The following MAPKAP1 variants were observed in gnomAD, a reference collection of about 807,000 sequenced individuals.
MAPKAP1 encodes the protein target of rapamycin complex 2 subunit MAPKAP1.
A neutral mutation model predicts 65.7 loss-of-function variants in MAPKAP1; 20 were observed. That is an observed-to-expected ratio of 0.30 (90% confidence interval 0.21 to 0.44). The LOEUF is 0.44. MAPKAP1 is among the 20% of genes least tolerant of loss of function. The pLI is 1.00. For synonymous variants in MAPKAP1, 222 were observed against 244.3 expected (o/e 0.91, Z 0.85); for missense variants, 423 against 648.0 (o/e 0.65, Z 3.77).
intron 4 of MAPKAP1, among the ~76,000 whole-genome samples, chr9:125,648,609 G>A (rs1178035668): frequency 6.6e-6 from 1 of 152,080 alleles, no homozygotes; most frequent in Admixed American, 6.5e-5. Context: ...TAGTAGTCCT[G>A]GAAATCAAGT....
At chr9:125,622,956 G>A (rs1185662548) in intron 4 of MAPKAP1, among the ~76,000 whole-genome samples, 1 of 152,132 alleles carries the variant, frequency 6.6e-6, no homozygotes, top group Non-Finnish European at 1.5e-5. Flanking sequence ...GCAGGCACGC[G>A]CCGCCACACC....
At position 125,475,647 on chromosome 9, in the gene MAPKAP1, G is replaced by A. The variant is rs115595900; in HGVS notation, c.1208-7538C>T. ...CACCAGGGCAGAGCTTATGAAATCA[G>A]ACCTGGGACTGTTTAATCCCAGAAA... On this transcript the variant is annotated intron_variant, in intron 9 of 11. Transcript: ENST00000265960. Among the ~76,000 whole-genome samples, 570 of 152,306 alleles carry A rather than the reference G, an allele frequency of 3.7e-3. 5 individuals are homozygous for A. The highest frequency in any genetic ancestry group is 0.013 in the African/African-American group (548 of 41,566).
chr9:125,593,977 T>G (rs778191828), intron 4 of MAPKAP1, among the ~76,000 whole-genome samples: 1 of 152,188 alleles, frequency 6.6e-6, no homozygotes, highest in African/African-American at 2.4e-5. Flanking sequence ...CTATCTCAAC[T>G]AAGGCTTTCA....
In MAPKAP1 at chr9:125,598,572, C is replaced by T. The variant is rs186657500; in HGVS notation, c.499-12845G>A. ...ACTAATAGAAACTAGGGAGGCAGTA[C>T]AGTGTGATTAAGAGCACAAGTCGGG... On this transcript the variant is annotated intron_variant, in intron 4 of 11. Transcript: ENST00000265960. 3.3e-5 allele frequency among the ~76,000 whole-genome samples: 5 copies of T among 152,232 alleles called. No individual in the cohort carries two copies. The East Asian group carries it at 9.6e-4, about 29-fold the overall frequency.
chr9:125,472,152 C>T (rs1372053652), intron 9 of MAPKAP1, among the ~76,000 whole-genome samples: 1 of 152,204 alleles, frequency 6.6e-6, no homozygotes, highest in Non-Finnish European at 1.5e-5. Flanking sequence ...AGCCACTACA[C>T]TATTCTGCAA....
intron 4 of MAPKAP1, among the ~76,000 whole-genome samples, chr9:125,632,523 C>T (rs1833316618): frequency 6.6e-6 from 1 of 152,110 alleles, no homozygotes; most frequent in Non-Finnish European, 1.5e-5. Context: ...CTTGGTTAAA[C>T]CTCATCTTCC....
chr9:125,449,544 G>A (rs550504928), intron 10 of MAPKAP1, among the ~76,000 whole-genome samples: 19 of 152,194 alleles, frequency 1.2e-4, no homozygotes, highest in Admixed American at 2.0e-4. Flanking sequence ...ACCTCCACTC[G>A]TGAGTACTGA....
chr9:125,503,701 G>C (rs531846850), intron 8 of MAPKAP1, among the ~76,000 whole-genome samples: 189 of 151,560 alleles, frequency 1.2e-3, no homozygotes, highest in African/African-American at 4.4e-3. Flanking sequence ...TTCTCTTTAA[G>C]ATAATTTCTT....
At chr9:125,637,500 C>G (rs769347636) in intron 4 of MAPKAP1, among the ~76,000 whole-genome samples, 23 of 152,078 alleles carry the variant, frequency 1.5e-4, no homozygotes, top group Non-Finnish European at 2.8e-4. Flanking sequence ...GGTGAGGCCA[C>G]GCTGGGACTC....
At chr9:125,485,845 A>G (rs866692519) in intron 8 of MAPKAP1, among the ~76,000 whole-genome samples, 11 of 152,160 alleles carry the variant, frequency 7.2e-5, no homozygotes, top group Admixed American at 2.0e-4. Context: ...TGGGCAAGTG[A>G]CTTTATCTCT....
intron 6 of MAPKAP1, among the ~76,000 whole-genome samples, chr9:125,548,775 G>T (rs1830501154): frequency 6.6e-6 from 1 of 152,084 alleles, no homozygotes; most frequent in Non-Finnish European, 1.5e-5. Flanking sequence ...ATAATGATGA[G>T]ACAATAATAT....
intron 5 of MAPKAP1, among the ~76,000 whole-genome samples, chr9:125,567,354 A>C (rs1665512136): frequency 6.6e-6 from 1 of 152,236 alleles, no homozygotes; most frequent in Non-Finnish European, 1.5e-5. Context: ...AAAAGGTTGC[A>C]GTAATGGAGC....
Position 125,484,479 on chromosome 9 carries a change from T to A in MAPKAP1, c.1171A>T (p.Ile391Phe). Residue 391 changes from isoleucine (I) to phenylalanine (F), a missense_variant, in exon 9 of 12, where the codon ATC (isoleucine) becomes TTC (phenylalanine). Around this residue, in one of 6 missense-constraint regions of MAPKAP1, gnomAD observed 185 missense variants for 268.1 expected, o/e 0.69. Transcript: ENST00000265960. ...TCGGTTGTGAATCGCAGTCTGTGGATCATGCTGACTTTGAATGACTTGTAA... is the reference window on the plus strand; with the variant it reads ...TCGGTTGTGAATCGCAGTCTGTGGAACATGCTGACTTTGAATGACTTGTAA... ...HHYKSFKVSM[I>F]HRLRFTTDVQ... 1 of 1,613,336 alleles carries A rather than the reference T, an allele frequency of 6.2e-7. No homozygotes were observed. Among genetic ancestry groups the A allele is most frequent in the Non-Finnish European group, 8.5e-7 (1 of 1,179,644 alleles).
chr9:125,442,480 G>C (rs7023669), intron 11 of MAPKAP1, among the ~76,000 whole-genome samples: 29,217 of 151,288 alleles, frequency 0.19, 3,479 homozygotes, highest in Non-Finnish European at 0.27. Flanking sequence ...TGTCAAACAT[G>C]GGATTATAAT....
rs1016187529 is a variant in MAPKAP1 at position 125,519,677 on chromosome 9, A to T, written c.959-13260T>A. On this transcript the variant is annotated intron_variant, in intron 7 of 11. Transcript: ENST00000265960. ...TTATATATATATATATATATAATTT[A>T]AAAAATTAATAACAAAAACTGTTTA... Among the ~76,000 whole-genome samples the T allele has an allele frequency of 5.5e-5, 7 of 126,694 alleles. No homozygotes were observed. In the East Asian group the frequency reaches 7.8e-4, roughly 14 times the overall value. The allele number at this position is 126,694 out of a possible 152,430, so 83.1% of individuals were successfully genotyped here. A position where few individuals can be genotyped will look rare whatever the true frequency, so the allele number is the denominator to read the frequency against.
chr9:125,525,438 C>T (rs1189510386), intron 7 of MAPKAP1, among the ~76,000 whole-genome samples: 7 of 152,158 alleles, frequency 4.6e-5, no homozygotes, highest in Non-Finnish European at 5.9e-5. Flanking sequence ...CTTTGGGAGG[C>T]TGAGGTGGGC....
chr9:125,680,399 TTAAAA>T (rs1434203293), intron 1 of MAPKAP1, among the ~76,000 whole-genome samples: 1 of 152,208 alleles, frequency 6.6e-6, no homozygotes, highest in African/African-American at 2.4e-5. Flanking sequence ...GAAGTGACCA[TTAAAA>T]TAAAACACTT....
At chr9:125,651,714 T>G (rs773205022) in intron 4 of MAPKAP1, among the ~76,000 whole-genome samples, 10 of 152,192 alleles carry the variant, frequency 6.6e-5, no homozygotes, top group African/African-American at 1.2e-4. Context: ...TACTGGGCAC[T>G]AAGCAAGCAA....
chr9:125,462,923 T>C (rs1339354392), intron 10 of MAPKAP1, among the ~76,000 whole-genome samples: 1 of 152,218 alleles, frequency 6.6e-6, no homozygotes, highest in Non-Finnish European at 1.5e-5. Flanking sequence ...CTGACTCGTG[T>C]ACCAACATCA....
Sources: gnomAD v4.1 joint callset for allele counts (sites outside exome capture counted in the v4.1 genomes callset) on GRCh38, gnomAD v4.1.1 for gene constraint, gnomAD v4.1.1 regional missense constraint, MANE v1.5 for transcripts, NCBI Gene and HGNC (gene_info 2026-07-23, HGNC 2026-07-21) for gene names.